BIRC5: variants seen among roughly 807,000 people sequenced by gnomAD.
BIRC5 encodes the protein baculoviral IAP repeat-containing protein 5.
In BIRC5, 8 loss-of-function variants were observed where a neutral mutation model predicts 15.8. That is an observed-to-expected ratio of 0.51 (90% CI 0.30 to 0.91). The LOEUF (loss-of-function observed/expected upper bound fraction) is 0.91. Ranked by LOEUF, BIRC5 falls within the 40% of genes least tolerant of loss-of-function variation. BIRC5 has a pLI of 0.07. For missense variants in BIRC5, 163 were observed against 178.6 expected (o/e 0.91, Z 0.50); for synonymous variants, 56 against 64.5 (o/e 0.87, Z 0.63).
At chr17:78,220,726 T>G (rs182355862) in intron 3 of BIRC5, among the ~76,000 whole-genome samples, 45 of 152,298 alleles carry the variant, frequency 3.0e-4, no homozygotes, top group Admixed American at 1.9e-3. Context: ...TAATCTTTTT[T>G]TTGTTGTTTT....
chr17:78,221,426 T>A (rs1204633630), intron 3 of BIRC5, among the ~76,000 whole-genome samples: 1 of 150,926 alleles, frequency 6.6e-6, no homozygotes, highest in Non-Finnish European at 1.5e-5. Context: ...AATTTTAAAT[T>A]TTTTTTTTTC....
chr17:78,219,186 T>C (rs2076500038), intron 3 of BIRC5, among the ~76,000 whole-genome samples: 1 of 152,072 alleles, frequency 6.6e-6, no homozygotes, highest in Admixed American at 6.6e-5. Flanking sequence ...TCCTTATATG[T>C]GGCTTTATTT....
chr17:78,215,649 T>A (rs1470354411), intron 2 of BIRC5, among the ~76,000 whole-genome samples: 1 of 152,212 alleles, frequency 6.6e-6, no homozygotes, highest in Non-Finnish European at 1.5e-5. Flanking sequence ...GTTTTTCTTT[T>A]TGGCCAGAAG....
At chr17:78,216,407 G>A in intron 2 of BIRC5, 1 of 387,888 alleles carries the variant, frequency 2.6e-6, no homozygotes, top group Non-Finnish European at 4.8e-6. Flanking sequence ...AATTGCTAAG[G>A]AAGTCCAGAT....
Position 78,224,055 on chromosome 17 carries a change from TG to T in BIRC5, c.*502del, listed in dbSNP as rs1344830533. The stretch of plus-strand genomic sequence containing the variant: ...TCAGAGGACAGTTTTTTTGTTGTTG[TG>T]TTTTTTTGTTTTTTTTTTTTTGGTA... On this transcript the variant is annotated 3_prime_UTR_variant, in exon 4 of 4. Transcript: ENST00000350051. 128 of 131,730 alleles carry T rather than the reference TG, an allele frequency of 9.7e-4. 7 individuals are homozygous for T. Among genetic ancestry groups the T allele is most frequent in the Non-Finnish European group, 1.4e-3 (90 of 63,194 alleles). The allele number at this position is 131,730 out of a possible 1,614,324, so 8.2% of individuals were successfully genotyped here.
chr17:78,216,989 C>T (rs776262296), intron 3 of BIRC5, among the ~76,000 whole-genome samples: 37 of 152,042 alleles, frequency 2.4e-4, no homozygotes, highest in Non-Finnish European at 4.3e-4. Flanking sequence ...AAGTGATTCT[C>T]CTGCCTCAGC....
At chr17:78,219,492 A>T (rs968289468) in intron 3 of BIRC5, among the ~76,000 whole-genome samples, 3 of 152,054 alleles carry the variant, frequency 2.0e-5, no homozygotes, top group African/African-American at 7.2e-5. Flanking sequence ...GCCTCAATAT[A>T]GTGGCTTTTA....
intron 2 of BIRC5, 114 bp downstream of exon 2, chr17:78,214,903 T>A: frequency 1.0e-6 from 1 of 953,976 alleles, no homozygotes; most frequent in Non-Finnish European, 1.6e-6. Flanking sequence ...CATTGCTTCT[T>A]AAACAGCTGT....
intron 2 of BIRC5, chr17:78,216,074 C>G: frequency 1.5e-6 from 1 of 665,010 alleles, no homozygotes; most frequent in Non-Finnish European, 1.9e-6. Flanking sequence ...ACGGTGAAAC[C>G]CCGTCTCCAC....
At chr17:78,214,507 G>A (rs2076463427) in intron 1 of BIRC5, 80 bp downstream of exon 1, 3 of 1,371,826 alleles carry the variant, frequency 2.2e-6, no homozygotes, top group East Asian at 2.5e-5. Context: ...TGGGCCTCGG[G>A]GGTACAAGCC....
chr17:78,218,301 AT>A (rs530518277), intron 3 of BIRC5, among the ~76,000 whole-genome samples: 32 of 145,072 alleles, frequency 2.2e-4, no homozygotes, highest in African/African-American at 4.3e-4. Flanking sequence ...TTTATTTTTA[AT>A]TTTTTTTTTT....
chr17:78,222,437 C>A (rs1198693659), intron 3 of BIRC5, among the ~76,000 whole-genome samples: 2 of 151,996 alleles, frequency 1.3e-5, no homozygotes, highest in African/African-American at 4.8e-5. Context: ...GAGGCCGTGG[C>A]GGGCAGATCA....
In BIRC5 at chr17:78,223,471, G is replaced by A; in HGVS notation, c.346G>A (p.Glu116Lys). Residue 116 changes from glutamate to lysine, a missense_variant, in exon 4 of 4, where the codon GAA becomes AAA. Coordinates refer to ENST00000350051, the MANE Select transcript of BIRC5 (RefSeq NM_001168.3). ...RERAKNKIAK[E>K]TNNKKKEFEE... Reference sequence around the variant, plus strand: ...GTCTATTCTTTATTTCCAGGCAAAGGAAACCAACAATAAGAAGAAAGAATT... The same window carrying A: ...GTCTATTCTTTATTTCCAGGCAAAGAAAACCAACAATAAGAAGAAAGAATT... 6.3e-7 allele frequency: 1 copy of A among 1,597,972 alleles called. No homozygotes were observed. Among genetic ancestry groups the A allele is most frequent in the South Asian group, 1.1e-5 (1 of 88,926 alleles).
At chr17:78,223,189 T>C (rs1235534122) in intron 3 of BIRC5, among the ~76,000 whole-genome samples, 1 of 152,152 alleles carries the variant, frequency 6.6e-6, no homozygotes, top group Non-Finnish European at 1.5e-5. Flanking sequence ...CATAAATCAG[T>C]TAATGGAGGA....
At chr17:78,215,676 T>G (rs1041076724) in intron 2 of BIRC5, among the ~76,000 whole-genome samples, 3 of 152,198 alleles carry the variant, frequency 2.0e-5, no homozygotes, top group African/African-American at 7.2e-5. Context: ...GCTGTTTTTT[T>G]TCTTAGTATG....
chr17:78,224,060 TTTTG>T lies in BIRC5; in HGVS notation c.*510_*513del, dbSNP rs1440857023. 4.6e-3 allele frequency: 629 copies of T among 135,284 alleles called. 2 individuals carry two copies. Among genetic ancestry groups the T allele is most frequent in the African/African-American group, 0.016 (518 of 32,718 alleles). 8.4% of individuals were successfully genotyped at this position (135,284 alleles called of 1,614,324 possible). On this transcript the variant is annotated 3_prime_UTR_variant, in exon 4 of 4. Transcript: ENST00000350051. The stretch of plus-strand genomic sequence containing the variant: ...GGACAGTTTTTTTGTTGTTGTGTTT[TTTTG>T]TTTTTTTTTTTTTGGTAGATGCATG...
chr17:78,220,341 T>G (rs2076506713), intron 3 of BIRC5, among the ~76,000 whole-genome samples: 1 of 150,954 alleles, frequency 6.6e-6, no homozygotes, highest in African/African-American at 2.4e-5. Context: ...GGCAGGAGAA[T>G]GGCGTGAACC....
Position 78,223,838 on chromosome 17 carries a change from TGA to T in BIRC5, c.*287_*288del. 1 of 568,260 alleles carries T rather than the reference TGA, an allele frequency of 1.8e-6. No individual in the cohort carries two copies. The allele number at this position is 568,260 out of a possible 1,614,324, so 35.2% of individuals were successfully genotyped here. On this transcript the variant is annotated 3_prime_UTR_variant, in exon 4 of 4. Transcript: ENST00000350051. ...TGTTTTGATTCCCGGGCTTACCAGGTGAGAAGTGAGGGAGGAAGAAGGCAGTG... is the reference window on the plus strand; with the variant it reads ...TGTTTTGATTCCCGGGCTTACCAGGTGAAGTGAGGGAGGAAGAAGGCAGTG...
intron 2 of BIRC5, 102 bp downstream of exon 2, chr17:78,214,891 C>A (rs2145892299): frequency 1.9e-6 from 2 of 1,069,806 alleles, no homozygotes; most frequent in African/African-American, 1.6e-5. Flanking sequence ...GCTTTCCACC[C>A]TCATTGCTTC....
Sources: allele counts gnomAD v4.1 joint callset (sites outside exome capture counted in the v4.1 genomes callset), GRCh38; gene constraint gnomAD v4.1.1; transcripts MANE v1.5; gene names NCBI Gene and HGNC (gene_info 2026-07-23, HGNC 2026-07-21).